The following RSBN1L variants were observed in gnomAD, a reference collection of about 807,000 sequenced individuals.
RSBN1L encodes lysine-specific demethylase RSBN1L.
RSBN1L carries 30 observed loss-of-function variants against 67.7 expected under a neutral mutation model. The ratio of observed to expected loss-of-function variants is 0.44; its 90% CI spans 0.33 to 0.60. The LOEUF (loss-of-function observed/expected upper bound fraction) is 0.60. RSBN1L is among the 20% of genes least tolerant of loss of function. The probability of loss-of-function intolerance (pLI) is 0.02; values close to 1 mark genes in which losing one functional copy is unlikely to be tolerated. For missense variants in RSBN1L, 992 were observed against 1,031.7 expected (o/e 0.96, Z 0.53); for synonymous variants, 433 against 387.0 (o/e 1.12, Z -1.39).
chr7:77,740,148 G>T (rs1791390187), intron 2 of RSBN1L, among the ~76,000 whole-genome samples: 2 of 152,146 alleles, frequency 1.3e-5, no homozygotes, highest in Admixed American at 6.5e-5. Flanking sequence ...TATTTGGTAA[G>T]AAAGTTGGAT....
intron 1 of RSBN1L, among the ~76,000 whole-genome samples, chr7:77,717,500 C>G (rs898164006): frequency 1.3e-5 from 2 of 152,262 alleles, no homozygotes; most frequent in African/African-American, 2.4e-5. Context: ...TGTGGTACTT[C>G]AAGCATTGTT....
intron 5 of RSBN1L, among the ~76,000 whole-genome samples, chr7:77,769,844 A>C (rs917388754): frequency 8.5e-5 from 13 of 152,200 alleles, no homozygotes; most frequent in Admixed American, 3.3e-4. Context: ...GTGAAGAAAC[A>C]ATTTTTTATA....
chr7:77,710,412 C>G (rs564534893), intron 1 of RSBN1L, among the ~76,000 whole-genome samples: 1 of 152,232 alleles, frequency 6.6e-6, no homozygotes, highest in East Asian at 1.9e-4. Context: ...TCCTCGCCGC[C>G]TAGAACTTTC....
At chr7:77,763,635 G>A (rs963694105) in intron 3 of RSBN1L, among the ~76,000 whole-genome samples, 1 of 152,166 alleles carries the variant, frequency 6.6e-6, no homozygotes, top group South Asian at 2.1e-4. Flanking sequence ...ATTTTTAGGC[G>A]ACAGGAAAAA....
At chr7:77,756,844 C>T (rs978947605) in intron 3 of RSBN1L, among the ~76,000 whole-genome samples, 1 of 151,904 alleles carries the variant, frequency 6.6e-6, no homozygotes, top group African/African-American at 2.4e-5. Flanking sequence ...CATTTTTAAT[C>T]GATAAAAGAG....
chr7:77,753,649 CTG>C (rs1194543299), intron 3 of RSBN1L, among the ~76,000 whole-genome samples: 1 of 152,118 alleles, frequency 6.6e-6, no homozygotes, highest in Admixed American at 6.6e-5. Flanking sequence ...TTTATGATAA[CTG>C]TTTCTTACAT....
intron 1 of RSBN1L, among the ~76,000 whole-genome samples, chr7:77,709,751 CTCT>C (rs1376709942): frequency 6.6e-6 from 1 of 152,118 alleles, no homozygotes; most frequent in Non-Finnish European, 1.5e-5. Context: ...GCCCTTTGTA[CTCT>C]TCTTTCTGGC....
chr7:77,756,901 T>C (rs1208253359), intron 3 of RSBN1L, among the ~76,000 whole-genome samples: 1 of 152,204 alleles, frequency 6.6e-6, no homozygotes, highest in Non-Finnish European at 1.5e-5. Flanking sequence ...TATATAATGA[T>C]AGAAGCTGCG....
chr7:77,699,335 A>G (rs187590129), intron 1 of RSBN1L, among the ~76,000 whole-genome samples: 2 of 152,318 alleles, frequency 1.3e-5, no homozygotes, highest in East Asian at 1.9e-4. Flanking sequence ...CGAAAGACCT[A>G]GCCTGCACCC....
intron 1 of RSBN1L, among the ~76,000 whole-genome samples, chr7:77,721,984 A>G (rs1291472514): frequency 6.6e-6 from 1 of 152,152 alleles, no homozygotes; most frequent in Non-Finnish European, 1.5e-5. Flanking sequence ...CTGGAAAGGG[A>G]AAAAAAGATG....
chr7:77,773,302 A>C lies in RSBN1L; in HGVS notation c.1781A>C (p.His594Pro). The C allele has an allele frequency of 6.3e-7, 1 of 1,579,936 alleles. No homozygotes were observed. ...GCTGTTGGAGTGCTGAAGGCTGTGC[A>C]CTGTGGAGAGTGGTATATATAACTA... Reference protein sequence around the residue: ...TAAVGVLKAVHCGEWPDQPRI... With the variant: ...TAAVGVLKAVPCGEWPDQPRI... Residue 594 changes from histidine to proline, a missense_variant, in exon 6 of 8, where the codon CAC becomes CCC. This residue lies in a region of RSBN1L where 31 missense variants were observed against 24.5 expected (regional missense o/e 1.26). Coordinates refer to ENST00000334955, the MANE Select transcript of RSBN1L (RefSeq NM_198467.3).
Position 77,716,650 on chromosome 7 carries a change from T to TA in RSBN1L, c.586+19596dup, listed in dbSNP as rs1554337626. ...TTTTTTTTTTTTTTTTTTTTTTTTT[T>TA]AGACGGTGTCTTGCTCTGTCACCCA... On this transcript the variant is annotated intron_variant, in intron 1 of 7. Transcript: ENST00000334955. Among the ~76,000 whole-genome samples the TA allele has an allele frequency of 3.4e-4, 47 of 139,700 alleles. 1 individual carries two copies. The highest frequency in any genetic ancestry group is 1.3e-3 in the East Asian group (6 of 4,582). The allele number at this position is 139,700 out of a possible 152,430, so 91.6% of individuals were successfully genotyped here.
intron 3 of RSBN1L, among the ~76,000 whole-genome samples, chr7:77,752,539 A>G (rs1791568464): frequency 6.6e-6 from 1 of 152,156 alleles, no homozygotes; most frequent in African/African-American, 2.4e-5. Context: ...AAAAATGAGC[A>G]TGCTTCTTCT....
At chr7:77,753,787 A>G (rs1302401783) in intron 3 of RSBN1L, among the ~76,000 whole-genome samples, 1 of 152,208 alleles carries the variant, frequency 6.6e-6, no homozygotes, top group Non-Finnish European at 1.5e-5. Flanking sequence ...AGCTAAAAGT[A>G]TTGGAAAAAT....
rs1036697467 is a variant in RSBN1L, at chr7:77,767,498, C to T, written c.1483-1163C>T. Among the ~76,000 whole-genome samples the T allele has an allele frequency of 1.7e-4, 25 of 151,206 alleles. No individual in the cohort carries two copies. The East Asian group carries it at 2.2e-3, about 13-fold the overall frequency. ...AAGCAATTCTCATGCCTCAGCCTTT[C>T]GAGTAGCTGGGATTACAGACACACA... On this transcript the variant is annotated intron_variant, in intron 4 of 7. Coordinates refer to ENST00000334955, the MANE Select transcript of RSBN1L (RefSeq NM_198467.3).
intron 2 of RSBN1L, among the ~76,000 whole-genome samples, chr7:77,737,109 G>C (rs559457385): frequency 1.6e-3 from 236 of 152,182 alleles, no homozygotes; most frequent in Non-Finnish European, 2.8e-3. Context: ...GTAGGTGGTT[G>C]GGTAATAAGT....
At position 77,777,249 on chromosome 7, in the gene RSBN1L, T is replaced by C. The variant is rs549297325; in HGVS notation, c.1794-1089T>C. 1.2e-4 allele frequency among the ~76,000 whole-genome samples: 18 copies of C among 152,252 alleles called. No individual in the cohort carries two copies. The South Asian group carries it at 3.7e-3, about 32-fold the overall frequency. On this transcript the variant is annotated intron_variant, in intron 6 of 7. Transcript: ENST00000334955. Reference sequence around the variant, plus strand: ...GCCATAAACCCCATGATGTATGTTATTTTGCTTTAAAGAATCATTTCTAAA... The same window carrying C: ...GCCATAAACCCCATGATGTATGTTACTTTGCTTTAAAGAATCATTTCTAAA...
At chr7:77,699,197 C>T (rs1790780780) in intron 1 of RSBN1L, among the ~76,000 whole-genome samples, 1 of 152,066 alleles carries the variant, frequency 6.6e-6, no homozygotes, top group Admixed American at 6.6e-5. Flanking sequence ...GTGCATGGTT[C>T]AGTAACCCCT....
At chr7:77,764,485 A>G (rs979016733) in intron 3 of RSBN1L, among the ~76,000 whole-genome samples, 2 of 152,134 alleles carry the variant, frequency 1.3e-5, no homozygotes, top group African/African-American at 2.4e-5. Context: ...ATCATTATCA[A>G]ATTTTCTTCA....
Sources: gnomAD v4.1 joint callset for allele counts (sites outside exome capture counted in the v4.1 genomes callset) on GRCh38, gnomAD v4.1.1 for gene constraint, gnomAD v4.1.1 regional missense constraint, MANE v1.5 for transcripts, NCBI Gene and HGNC (gene_info 2026-07-23, HGNC 2026-07-21) for gene names.